Variants in MEMO1 observed in about 807,000 individuals in gnomAD.
MEMO1 encodes mediator of cell motility 1.
In MEMO1, 6 loss-of-function variants were observed where a neutral mutation model predicts 45.2. That is an observed-to-expected ratio of 0.13 (90% CI 0.07 to 0.26). The LOEUF (loss-of-function observed/expected upper bound fraction) is 0.26. MEMO1 is among the 10% of genes least tolerant of loss of function. MEMO1 has a pLI of 1.00. For synonymous variants in MEMO1, 78 were observed against 124.3 expected (o/e 0.63, Z 2.48); for missense variants, 184 against 370.5 (o/e 0.50, Z 4.13).
chr2:31,994,756 T>G (rs549685308), intron 2 of MEMO1, among the ~76,000 whole-genome samples: 1 of 152,020 alleles, frequency 6.6e-6, no homozygotes, highest in Admixed American at 6.5e-5. Flanking sequence ...GAAACCAGAC[T>G]GGACAACATG....
chr2:31,912,171 C>A (rs1034977790), intron 6 of MEMO1, among the ~76,000 whole-genome samples: 2 of 151,964 alleles, frequency 1.3e-5, no homozygotes, highest in Admixed American at 6.6e-5. Flanking sequence ...CCTGTCTCTA[C>A]TAAAAATACA....
chr2:31,923,680 A>C, intron 4 of MEMO1: 1 of 1,548,130 alleles, frequency 6.5e-7, no homozygotes, highest in Non-Finnish European at 8.7e-7. Flanking sequence ...TGATTGAGGA[A>C]AATATGAAAA....
At chr2:31,991,268 T>C (rs746987065) in intron 2 of MEMO1, among the ~76,000 whole-genome samples, 3 of 152,168 alleles carry the variant, frequency 2.0e-5, no homozygotes, top group Non-Finnish European at 4.4e-5. Flanking sequence ...CTCAATATTT[T>C]TGACTTTTAA....
chr2:31,939,811 A>G (rs1251652766), intron 3 of MEMO1, among the ~76,000 whole-genome samples: 1 of 152,176 alleles, frequency 6.6e-6, no homozygotes, highest in Admixed American at 6.5e-5. Context: ...TACCATATAG[A>G]TACTATCCTA....
At chr2:31,994,976 G>T (rs923636079) in intron 2 of MEMO1, among the ~76,000 whole-genome samples, 3 of 149,460 alleles carry the variant, frequency 2.0e-5, no homozygotes, top group African/African-American at 7.4e-5. Context: ...GAGGGAGAGA[G>T]GAAGGGAGGA....
intron 2 of MEMO1, among the ~76,000 whole-genome samples, chr2:31,957,230 T>C (rs1222200271): frequency 6.6e-6 from 1 of 152,118 alleles, no homozygotes; most frequent in African/African-American, 2.4e-5. Flanking sequence ...CTGTATACTC[T>C]TTCAGATCGT....
chr2:31,868,606 G>A (rs1352260910), intron 9 of MEMO1, 114 bp from the exon 10 acceptor site: 1 of 999,468 alleles, frequency 1.0e-6, no homozygotes, highest in Non-Finnish European at 1.3e-6. Flanking sequence ...TATCTCTTTT[G>A]CTCTTTTGTT....
intron 2 of MEMO1, among the ~76,000 whole-genome samples, chr2:31,991,301 G>A (rs770715836): frequency 3.3e-5 from 5 of 152,084 alleles, no homozygotes; most frequent in Non-Finnish European, 5.9e-5. Flanking sequence ...GGCCGGGCGC[G>A]GTGGCTCACC....
chr2:31,872,375 A>G (rs997252864), intron 8 of MEMO1, among the ~76,000 whole-genome samples: 4 of 152,204 alleles, frequency 2.6e-5, no homozygotes, highest in Non-Finnish European at 5.9e-5. Context: ...ATACTCCTGA[A>G]TGAAGTCTAT....
intron 2 of MEMO1, among the ~76,000 whole-genome samples, chr2:31,944,950 C>T (rs904752009): frequency 7.2e-5 from 11 of 152,140 alleles, no homozygotes; most frequent in African/African-American, 2.7e-4. Flanking sequence ...ACCTTATTTA[C>T]TTAAGATTTT....
intron 2 of MEMO1, among the ~76,000 whole-genome samples, chr2:31,960,457 C>T (rs1298669931): frequency 2.0e-5 from 3 of 152,118 alleles, no homozygotes; most frequent in Non-Finnish European, 2.9e-5. Flanking sequence ...AAAATAATTA[C>T]ACTGTACCCT....
At chr2:31,905,149 G>A (rs760051745) in intron 6 of MEMO1, among the ~76,000 whole-genome samples, 10 of 152,206 alleles carry the variant, frequency 6.6e-5, no homozygotes, top group Admixed American at 1.3e-4. Flanking sequence ...TGGGAGGATC[G>A]CTTGAGCCTG....
At chr2:31,983,278 T>C (rs1217574822) in intron 2 of MEMO1, among the ~76,000 whole-genome samples, 1 of 151,994 alleles carries the variant, frequency 6.6e-6, no homozygotes, top group Non-Finnish European at 1.5e-5. Flanking sequence ...TTTTTTTAAA[T>C]CTTAATATAC....
intron 2 of MEMO1, among the ~76,000 whole-genome samples, chr2:31,954,012 A>G (rs998943685): frequency 1.3e-5 from 2 of 152,224 alleles, no homozygotes; most frequent in Non-Finnish European, 1.5e-5. Context: ...ATTCTAAGAC[A>G]AAAGTATTTT....
At chr2:31,930,630 G>A (rs1664034097) in intron 4 of MEMO1, among the ~76,000 whole-genome samples, 1 of 151,830 alleles carries the variant, frequency 6.6e-6, no homozygotes, top group Admixed American at 6.6e-5. Flanking sequence ...CAAGTCAAAT[G>A]AAAGAAGCTT....
rs115997512 is a variant in MEMO1 at position 31,913,853 on chromosome 2, G to A, written c.437+4073C>T. On this transcript the variant is annotated intron_variant, in intron 6 of 9. Coordinates refer to ENST00000404530, the MANE Select transcript of MEMO1 (RefSeq NM_001301833.4). ...TTCTTCCCACCTCTCAATGCTCAATGTCACTCCTCCCATCAAAAATAGCAT... is the reference window on the plus strand; with the variant it reads ...TTCTTCCCACCTCTCAATGCTCAATATCACTCCTCCCATCAAAAATAGCAT... Among the ~76,000 whole-genome samples the A allele has an allele frequency of 7.1e-3, 1,074 of 152,218 alleles. 9 individuals carry two copies. The highest frequency in any genetic ancestry group is 0.013 in the Admixed American group (197 of 15,284).
At chr2:31,942,519 C>CT (rs1665733147) in intron 3 of MEMO1, among the ~76,000 whole-genome samples, 1 of 149,738 alleles carries the variant, frequency 6.7e-6, no homozygotes, top group Non-Finnish European at 1.5e-5. Flanking sequence ...CTTTTTTTTT[C>CT]TTTTTTTGAG....
chr2:32,006,291 G>A (rs936471359), intron 2 of MEMO1, among the ~76,000 whole-genome samples: 5 of 152,144 alleles, frequency 3.3e-5, no homozygotes, highest in Admixed American at 1.3e-4. Flanking sequence ...AGTCCAATTC[G>A]GAGACAGTTG....
chr2:31,929,552 G>A (rs1042731032), intron 4 of MEMO1, among the ~76,000 whole-genome samples: 1 of 152,072 alleles, frequency 6.6e-6, no homozygotes, highest in African/African-American at 2.4e-5. Context: ...TGTTAGCAGA[G>A]GTTCTAAACC....
Sources: gnomAD v4.1 joint callset for allele counts (sites outside exome capture counted in the v4.1 genomes callset) on GRCh38, gnomAD v4.1.1 for gene constraint, MANE v1.5 for transcripts, NCBI Gene and HGNC (gene_info 2026-07-23, HGNC 2026-07-21) for gene names.